Variants in TGFBI observed in about 807,000 individuals in gnomAD.
The protein encoded by TGFBI is transforming growth factor-beta-induced protein ig-h3.
Under a neutral mutation model 73.7 loss-of-function variants are expected in TGFBI, and 50 were observed. That is an observed-to-expected ratio of 0.68 (90% CI 0.54 to 0.86). TGFBI has a LOEUF of 0.86. Among genes scored for constraint, TGFBI ranks in the 40% least tolerant of loss-of-function variants. The pLI is 0.00. For missense variants in TGFBI, 839 were observed against 877.0 expected (o/e 0.96, Z 0.55); for synonymous variants, 362 against 360.5 (o/e 1.00, Z -0.05).
At chr5:136,051,431 A>C (rs2126912012) in intron 7 of TGFBI, among the ~76,000 whole-genome samples, 1 of 152,238 alleles carries the variant, frequency 6.6e-6, no homozygotes, top group African/African-American at 2.4e-5. Flanking sequence ...CTCTCTCAAA[A>C]GAAAAAAACA....
At chr5:136,047,143 G>A (rs1751444429) in intron 5 of TGFBI, 128 bp downstream of exon 5, 1 of 1,520,914 alleles carries the variant, frequency 6.6e-7, no homozygotes, top group East Asian at 2.3e-5. Context: ...CTTCTCCTTG[G>A]GCCCTCTATT....
chr5:136,059,684 A>G (rs2126917076), intron 13 of TGFBI, among the ~76,000 whole-genome samples: 1 of 152,238 alleles, frequency 6.6e-6, no homozygotes, highest in East Asian at 1.9e-4. Context: ...TAACTGCACT[A>G]AGAGTGTTCC....
chr5:136,053,030 T>C lies in TGFBI; in HGVS notation c.1037T>C (p.Ile346Thr). ...GGCTGCAGCGGGGACATGCTCACTA[T>C]CAACGGGAAGGCGATCATCTCCAAT... ...EVGCSGDMLT[I>T]NGKAIISNKD... is the part of the protein sequence containing the mutation. The change falls in exon 8 of 17, where the codon ATC becomes ACC. Residue 346 changes from isoleucine (I) to threonine (T), a missense_variant. Coordinates refer to ENST00000442011, the MANE Select transcript of TGFBI (RefSeq NM_000358.3). The C allele has an allele frequency of 1.2e-6, 2 of 1,614,016 alleles. No individual in the cohort carries two copies. Among genetic ancestry groups the C allele is most frequent in the African/African-American group, 2.7e-5 (2 of 75,058 alleles).
intron 1 of TGFBI, among the ~76,000 whole-genome samples, chr5:136,030,700 C>T (rs1561604546): frequency 6.6e-6 from 1 of 152,162 alleles, no homozygotes; most frequent in South Asian, 2.1e-4. Context: ...CTCTGCCCAC[C>T]TCTCCGTTGG....
At chr5:136,037,171 A>T (rs985555249) in intron 2 of TGFBI, among the ~76,000 whole-genome samples, 2 of 152,346 alleles carry the variant, frequency 1.3e-5, no homozygotes, top group Non-Finnish European at 2.9e-5. Flanking sequence ...TCAAGCTGAC[A>T]TATGGACTTT....
intron 4 of TGFBI, 127 bp downstream of exon 4, chr5:136,046,622 C>T: frequency 7.6e-7 from 1 of 1,323,822 alleles, no homozygotes; most frequent in Non-Finnish European, 1.0e-6. Flanking sequence ...TCCTTAACCC[C>T]TTAGAAAAGG....
chr5:136,042,577 C>T (rs1049617104), intron 2 of TGFBI, among the ~76,000 whole-genome samples: 1 of 151,900 alleles, frequency 6.6e-6, no homozygotes, highest in African/African-American at 2.4e-5. Flanking sequence ...CCTGTTTAGC[C>T]CTTATAAGTT....
chr5:136,055,481 G>A (rs1338959474), intron 10 of TGFBI, 199 bp from the exon 11 acceptor site: 20 of 456,912 alleles, frequency 4.4e-5, no homozygotes, highest in East Asian at 1.0e-4. Flanking sequence ...CTCTCTAACC[G>A]TTCTTTCCTT....
Position 136,029,047 on chromosome 5 carries a change from T to G in TGFBI, c.-9T>G. The G allele has an allele frequency of 6.6e-7, 1 of 1,524,964 alleles. No homozygotes were observed. The highest frequency in any genetic ancestry group is 8.7e-7 in the Non-Finnish European group (1 of 1,143,142). The allele number at this position is 1,524,964 out of a possible 1,614,324, so 94.5% of individuals were successfully genotyped here. A position where few individuals can be genotyped will look rare whatever the true frequency, so the allele number is the denominator to read the frequency against. On this transcript the variant is annotated 5_prime_UTR_variant, in exon 1 of 17. Coordinates refer to ENST00000442011, the MANE Select transcript of TGFBI (RefSeq NM_000358.3). Reference sequence around the variant, plus strand: ...TCGCTAGCTCGCTCGGTGCGCGTCGTCCCGCTCCATGGCGCTCTTCGTGCG... The same window carrying G: ...TCGCTAGCTCGCTCGGTGCGCGTCGGCCCGCTCCATGGCGCTCTTCGTGCG...
At chr5:136,033,908 C>T (rs369070015) in intron 2 of TGFBI, 47 bp downstream of exon 2, 489 of 1,500,634 alleles carry the variant, frequency 3.3e-4, no homozygotes, top group South Asian at 3.8e-4. Context: ...TGCACGCTGG[C>T]TGCAGTTCCC....
At chr5:136,048,794 G>C (rs1248268393) in intron 6 of TGFBI, 1 of 152,954 alleles carries the variant, frequency 6.5e-6, no homozygotes, top group South Asian at 2.1e-4. Context: ...GGTCACATGT[G>C]AAGGGCATAC....
intron 2 of TGFBI, among the ~76,000 whole-genome samples, chr5:136,034,508 T>C (rs718041): frequency 0.98 from 148,197 of 151,848 alleles, 72,330 homozygotes; most frequent in East Asian, 1. Context: ...GTGCCCAGCA[T>C]ATATCAGTGC....
At chr5:136,047,689 G>A (rs1580715225) in intron 6 of TGFBI, 5 of 435,438 alleles carry the variant, frequency 1.1e-5, no homozygotes, top group Admixed American at 3.7e-5. Flanking sequence ...GCAGCACAGT[G>A]TCCTCTGAGC....
At chr5:136,042,903 G>C (rs1751364023) in intron 2 of TGFBI, among the ~76,000 whole-genome samples, 1 of 152,150 alleles carries the variant, frequency 6.6e-6, no homozygotes, top group Non-Finnish European at 1.5e-5. Context: ...CACACTGAGA[G>C]CACCTTCCAG....
intron 9 of TGFBI, among the ~76,000 whole-genome samples, 197 bp from the exon 10 acceptor site, chr5:136,054,519 C>CT (rs1480068305): frequency 3.9e-4 from 60 of 152,322 alleles, no homozygotes; most frequent in African/African-American, 1.4e-3. Context: ...ACTCCAAACA[C>CT]CCTTGATTAT....
At position 136,053,932 on chromosome 5, in the gene TGFBI, C is replaced by T. The variant is rs376923930; in HGVS notation, c.1127-11C>T. 5.6e-4 allele frequency: 909 copies of T among 1,611,912 alleles called. No homozygotes were observed. Among genetic ancestry groups the T allele is most frequent in the Non-Finnish European group, 7.6e-4 (893 of 1,178,166 alleles). On this transcript the variant is annotated splice_polypyrimidine_tract_variant and intron_variant, in intron 8 of 16. Coordinates refer to ENST00000442011, the MANE Select transcript of TGFBI (RefSeq NM_000358.3). ...TTTTAACTTTTGAACCCACTTTCTC[C>T]TTCCTTGTAGCCAAGACACTATTTG...
At chr5:136,035,603 T>C (rs1373854090) in intron 2 of TGFBI, among the ~76,000 whole-genome samples, 3 of 137,646 alleles carry the variant, frequency 2.2e-5, no homozygotes. Flanking sequence ...CCAGCCTGGG[T>C]GACAGAGTGA....
intron 1 of TGFBI, among the ~76,000 whole-genome samples, chr5:136,031,669 C>T (rs1309379332): frequency 6.6e-6 from 1 of 152,210 alleles, no homozygotes; most frequent in Non-Finnish European, 1.5e-5. Flanking sequence ...AGTAAAAATA[C>T]AATCACACTT....
chr5:136,050,787 A>T (rs547684811), intron 7 of TGFBI, among the ~76,000 whole-genome samples: 2 of 152,320 alleles, frequency 1.3e-5, no homozygotes, highest in African/African-American at 4.8e-5. Context: ...CTGTGCAGGG[A>T]TGGGAAAGGG....
Sources: allele counts gnomAD v4.1 joint callset (sites outside exome capture counted in the v4.1 genomes callset), GRCh38; gene constraint gnomAD v4.1.1; transcripts MANE v1.5; gene names NCBI Gene and HGNC (gene_info 2026-07-23, HGNC 2026-07-21).